The following UNC13C variants were observed in gnomAD, a reference collection of about 807,000 sequenced individuals.
UNC13C encodes unc-13 homolog C.
In UNC13C, 174 loss-of-function variants were observed where a neutral mutation model predicts 245.4. The ratio of observed to expected loss-of-function variants is 0.71; its 90% CI spans 0.63 to 0.80. The LOEUF (loss-of-function observed/expected upper bound fraction) is 0.80, where lower values mean the gene tolerates loss of function less well. UNC13C is among the 30% of genes least tolerant of loss of function. The pLI, the probability that UNC13C is intolerant of heterozygous loss-of-function variation, is 0.00. For synonymous variants in UNC13C, 992 were observed against 895.1 expected, an observed-to-expected ratio of 1.11 and a Z score of -1.93; for missense variants, 2,829 against 2,602.9, an observed-to-expected ratio of 1.09 and a Z score of -1.89.
chr15:53,968,143 C>T, the UNC13C span: 5 of 152,120 alleles, frequency 3.3e-5, no homozygotes, highest in African/African-American at 1.2e-4. Flanking sequence ...GAAAAATTGT[C>T]CTTGTACCTG....
At chr15:54,371,636 A>T (rs755024762) in intron 17 of UNC13C, among the ~76,000 whole-genome samples, 2 of 151,992 alleles carry the variant, frequency 1.3e-5, no homozygotes, top group Non-Finnish European at 2.9e-5. Context: ...TTCCATGTGT[A>T]ATTTTTTGAT....
chr15:54,290,276 C>T (rs751609543), intron 10 of UNC13C, among the ~76,000 whole-genome samples: 25 of 151,900 alleles, frequency 1.6e-4, no homozygotes, highest in Admixed American at 9.9e-4. Context: ...ATGTTAGTTG[C>T]GACAAATATT....
intron 2 of UNC13C, among the ~76,000 whole-genome samples, chr15:54,054,746 A>G (rs1392283058): frequency 2.6e-5 from 4 of 152,144 alleles, no homozygotes; most frequent in African/African-American, 4.8e-5. Context: ...TTTTCTGTCT[A>G]TACCCTGCCA....
chr15:54,624,975 A>G (rs1469914450), intron 32 of UNC13C, among the ~76,000 whole-genome samples: 3 of 152,256 alleles, frequency 2.0e-5, no homozygotes, highest in South Asian at 4.2e-4. Flanking sequence ...TAAAATTAGG[A>G]AAGTGAAAAC....
rs148007282 is a variant in UNC13C, at chr15:54,088,245, G to A, written c.2984-54773G>A. ...TTTTTTTTACCCCCTCATCCAATCA[G>A]CCAGTTCATCTCCTTTCATGGCCGT... On this transcript the variant is annotated intron_variant, in intron 2 of 32. Coordinates refer to ENST00000260323, the MANE Select transcript of UNC13C (RefSeq NM_001080534.3). Among the ~76,000 whole-genome samples, 174 of 118,910 alleles carry A rather than the reference G, an allele frequency of 1.5e-3. 1 individual carries two copies. The highest frequency in any genetic ancestry group is 6.6e-3 in the Admixed American group (60 of 9,110). The allele number at this position is 118,910 out of a possible 152,430, so 78.0% of individuals were successfully genotyped here.
In UNC13C at chr15:54,332,032, G is replaced by A; in HGVS notation, c.4426-11G>A. 6.4e-7 allele frequency: 1 copy of A among 1,560,898 alleles called. No individual in the cohort carries two copies. Among genetic ancestry groups the A allele is most frequent in the Non-Finnish European group, 8.7e-7 (1 of 1,150,488 alleles). On this transcript the variant is annotated splice_polypyrimidine_tract_variant and intron_variant, in intron 14 of 32. Transcript: ENST00000260323. ...ATTTCCATTCTCCTATTTTGTGTTT[G>A]CTTTGTACAGAGGGAAAAATTCATA...
chr15:53,908,402 C>A, the UNC13C span, among the ~76,000 whole-genome samples: 2 of 146,032 alleles, frequency 1.4e-5, no homozygotes, highest in South Asian at 4.6e-4. Flanking sequence ...CTTACACACA[C>A]AAAAATGAAA....
chr15:54,149,499 A>G (rs1228722158), intron 4 of UNC13C, among the ~76,000 whole-genome samples: 3 of 152,118 alleles, frequency 2.0e-5, no homozygotes, highest in Non-Finnish European at 4.4e-5. Context: ...TTTTCAACTT[A>G]TTTGTATTCA....
intron 4 of UNC13C, among the ~76,000 whole-genome samples, chr15:54,171,411 A>G (rs1389083877): frequency 6.6e-6 from 1 of 151,838 alleles, no homozygotes; most frequent in Non-Finnish European, 1.5e-5. Flanking sequence ...ATAGGAAACA[A>G]TCTAATAATC....
chr15:54,247,444 T>A (rs2036022412), intron 7 of UNC13C, among the ~76,000 whole-genome samples: 1 of 152,182 alleles, frequency 6.6e-6, no homozygotes, highest in Non-Finnish European at 1.5e-5. Context: ...TTTTATATGC[T>A]TTTCCTACCT....
At chr15:54,321,909 TA>T in intron 13 of UNC13C, 29 bp from the exon 14 acceptor site, 1 of 1,541,898 alleles carries the variant, frequency 6.5e-7, no homozygotes. Flanking sequence ...ATTTCTGTCT[TA>T]AAAACACTTT....
At chr15:54,512,188 C>A (rs1005661477) in intron 24 of UNC13C, among the ~76,000 whole-genome samples, 2 of 152,016 alleles carry the variant, frequency 1.3e-5, no homozygotes, top group Non-Finnish European at 2.9e-5. Flanking sequence ...AGCTTGATAT[C>A]AATGTTTATT....
intron 17 of UNC13C, among the ~76,000 whole-genome samples, chr15:54,346,362 T>C (rs1038426518): frequency 2.0e-5 from 3 of 152,214 alleles, no homozygotes; most frequent in Non-Finnish European, 4.4e-5. Context: ...CAGCTCTACT[T>C]TTCAGCATTG....
At chr15:54,290,166 T>G (rs189601847) in intron 10 of UNC13C, among the ~76,000 whole-genome samples, 2 of 152,192 alleles carry the variant, frequency 1.3e-5, no homozygotes, top group East Asian at 3.9e-4. Flanking sequence ...ACAGTTTAAA[T>G]GTGAAACATA....
chr15:54,346,256 C>G (rs1324657875), intron 17 of UNC13C, among the ~76,000 whole-genome samples: 1 of 152,132 alleles, frequency 6.6e-6, no homozygotes, highest in African/African-American at 2.4e-5. Context: ...AAGGCAGTGC[C>G]TTAGTTACTT....
intron 17 of UNC13C, among the ~76,000 whole-genome samples, chr15:54,386,336 A>G (rs1024001780): frequency 6.6e-6 from 1 of 152,234 alleles, no homozygotes; most frequent in Non-Finnish European, 1.5e-5. Context: ...CTATAGCAAT[A>G]AAGTCAGCTA....
chr15:54,116,606 T>G (rs1190966311), intron 2 of UNC13C, among the ~76,000 whole-genome samples: 1 of 152,206 alleles, frequency 6.6e-6, no homozygotes, highest in Admixed American at 6.5e-5. Flanking sequence ...AATAACAATA[T>G]TTTATTCATT....
intron 2 of UNC13C, among the ~76,000 whole-genome samples, chr15:54,036,535 G>A (rs1231318728): frequency 6.6e-6 from 1 of 152,156 alleles, no homozygotes; most frequent in African/African-American, 2.4e-5. Flanking sequence ...TCCTTCCAAT[G>A]TGCCAGTAAT....
At chr15:53,961,792 A>T in the UNC13C span, among the ~76,000 whole-genome samples, 1 of 152,250 alleles carries the variant, frequency 6.6e-6, no homozygotes, top group African/African-American at 2.4e-5. Flanking sequence ...AATTCACCAA[A>T]TACAAATATG....
Sources: allele counts gnomAD v4.1 joint callset (sites outside exome capture counted in the v4.1 genomes callset), GRCh38; gene constraint gnomAD v4.1.1; transcripts MANE v1.5; gene names NCBI Gene and HGNC (gene_info 2026-07-23, HGNC 2026-07-21).